CDH8: variants seen among roughly 807,000 people sequenced by gnomAD.
The protein encoded by CDH8 is cadherin-8.
A neutral mutation model predicts 68.1 loss-of-function variants in CDH8; 17 were observed. The ratio of observed to expected loss-of-function variants is 0.25; its 90% confidence interval spans 0.17 to 0.37. CDH8 has a LOEUF of 0.37. CDH8 is among the 10% of genes least tolerant of loss of function. CDH8 has a pLI of 1.00. For synonymous variants in CDH8, 372 were observed against 365.1 expected, an observed-to-expected ratio of 1.02 and a Z score of -0.21; for missense variants, 763 against 999.3, an observed-to-expected ratio of 0.76 and a Z score of 3.19.
At chr16:61,707,997 T>C (rs1964565204) in intron 10 of CDH8, among the ~76,000 whole-genome samples, 1 of 152,148 alleles carries the variant, frequency 6.6e-6, no homozygotes, top group Non-Finnish European at 1.5e-5. Context: ...TAAATAATTC[T>C]TTATATTCTT....
intron 2 of CDH8, among the ~76,000 whole-genome samples, chr16:61,985,918 C>CTTTTTTTT (rs71134380): frequency 1.8e-4 from 16 of 91,110 alleles, no homozygotes; most frequent in Non-Finnish European, 2.5e-4. Flanking sequence ...CCTTTCTTTA[C>CTTTTTTTT]TTTTTTTTTT....
At chr16:62,023,060 T>C (rs1225640750) in intron 1 of CDH8, among the ~76,000 whole-genome samples, 2 of 152,172 alleles carry the variant, frequency 1.3e-5, no homozygotes, top group Non-Finnish European at 1.5e-5. Context: ...TTCCCTGGAA[T>C]TGCAGAAAAT....
At chr16:61,763,770 G>T (rs1960523187) in intron 8 of CDH8, among the ~76,000 whole-genome samples, 1 of 152,064 alleles carries the variant, frequency 6.6e-6, no homozygotes, top group African/African-American at 2.4e-5. Flanking sequence ...TGAATAAGTA[G>T]GGAGGCATGA....
At chr16:61,667,408 A>C (rs907594933) in intron 10 of CDH8, 6 of 152,076 alleles carry the variant, frequency 3.9e-5, no homozygotes, top group Admixed American at 1.3e-4. Context: ...AAAATGAATT[A>C]GAACATTTTA....
intron 8 of CDH8, among the ~76,000 whole-genome samples, chr16:61,787,219 A>G (rs1205015599): frequency 4.6e-5 from 7 of 151,338 alleles, no homozygotes; most frequent in Non-Finnish European, 1.0e-4. Context: ...TCCGGAATCT[A>G]CAATGAACTC....
At chr16:61,801,651 T>A (rs1376313886) in intron 7 of CDH8, among the ~76,000 whole-genome samples, 1 of 152,148 alleles carries the variant, frequency 6.6e-6, no homozygotes, top group Non-Finnish European at 1.5e-5. Context: ...TTGCCTCACC[T>A]GGGAAGCGCA....
intron 4 of CDH8, among the ~76,000 whole-genome samples, chr16:61,846,893 A>G (rs1230286481): frequency 2.0e-5 from 3 of 152,096 alleles, no homozygotes; most frequent in African/African-American, 7.2e-5. Flanking sequence ...TCTAAAGAGA[A>G]AACACTAGTG....
At chr16:61,685,330 A>T (rs1964087026) in intron 10 of CDH8, among the ~76,000 whole-genome samples, 1 of 151,928 alleles carries the variant, frequency 6.6e-6, no homozygotes, top group South Asian at 2.1e-4. Context: ...GGGTAGAGAA[A>T]CACAAGCTCA....
chr16:61,939,276 A>C (rs2143526374), intron 2 of CDH8, among the ~76,000 whole-genome samples: 1 of 152,360 alleles, frequency 6.6e-6, no homozygotes, highest in East Asian at 1.9e-4. Context: ...GAAAATATTT[A>C]CAAACAAAAC....
intron 8 of CDH8, among the ~76,000 whole-genome samples, chr16:61,762,760 G>A (rs1338634832): frequency 6.6e-6 from 1 of 152,152 alleles, no homozygotes; most frequent in Non-Finnish European, 1.5e-5. Flanking sequence ...AGTATTAAAT[G>A]TGTATTATAT....
intron 3 of CDH8, among the ~76,000 whole-genome samples, chr16:61,883,022 GATC>G (rs1203674846): frequency 6.6e-6 from 1 of 152,178 alleles, no homozygotes. Context: ...GGGGAATTCA[GATC>G]ATCATCATTT....
At chr16:61,840,296 CA>C (rs1417414802) in intron 4 of CDH8, among the ~76,000 whole-genome samples, 1 of 152,114 alleles carries the variant, frequency 6.6e-6, no homozygotes, top group Non-Finnish European at 1.5e-5. Flanking sequence ...TACCTCTCTT[CA>C]AATGTCAAAT....
At chr16:61,997,392 T>C (rs74370417) in intron 2 of CDH8, among the ~76,000 whole-genome samples, 12 of 152,362 alleles carry the variant, frequency 7.9e-5, no homozygotes, top group Non-Finnish European at 1.6e-4. Flanking sequence ...CTGACTCTTA[T>C]ACTCCTATAT....
chr16:61,820,366 A>G (rs1208053924), intron 6 of CDH8, among the ~76,000 whole-genome samples: 1 of 136,648 alleles, frequency 7.3e-6, no homozygotes, highest in Non-Finnish European at 1.5e-5. Flanking sequence ...ACAGCCTTCA[A>G]TAAGGACTTG....
At chr16:61,929,633 A>G (rs566604160) in intron 2 of CDH8, among the ~76,000 whole-genome samples, 157 of 152,260 alleles carry the variant, frequency 1.0e-3, no homozygotes, top group African/African-American at 3.5e-3. Flanking sequence ...CCCATCTGCA[A>G]TCCGCCACTT....
chr16:61,877,828 C>G (rs1350352225), intron 3 of CDH8, among the ~76,000 whole-genome samples: 2 of 151,972 alleles, frequency 1.3e-5, no homozygotes, highest in African/African-American at 4.8e-5. Flanking sequence ...TTCAAGGATT[C>G]AAGAGAAATA....
At chr16:61,825,853 A>AT (rs1376285501) in intron 4 of CDH8, among the ~76,000 whole-genome samples, 3 of 151,924 alleles carry the variant, frequency 2.0e-5, no homozygotes, top group Non-Finnish European at 4.4e-5. Context: ...ATTACATAAA[A>AT]TACGATAAAA....
chr16:61,726,342 T>G (rs1417878725), intron 9 of CDH8: 1 of 150,988 alleles, frequency 6.6e-6, no homozygotes, highest in Non-Finnish European at 1.5e-5. Flanking sequence ...ATTTCCATTT[T>G]GACATTCAGA....
At chr16:61,697,455 C>G (rs1232476986) in intron 10 of CDH8, among the ~76,000 whole-genome samples, 1 of 151,758 alleles carries the variant, frequency 6.6e-6, no homozygotes, top group Non-Finnish European at 1.5e-5. Flanking sequence ...TCCACAAACA[C>G]CAAGCTATGA....
Sources: gnomAD v4.1 joint callset for allele counts (sites outside exome capture counted in the v4.1 genomes callset) on GRCh38, gnomAD v4.1.1 for gene constraint, MANE v1.5 for transcripts, NCBI Gene and HGNC (gene_info 2026-07-23, HGNC 2026-07-21) for gene names.